The following ASAH1 variants were observed in gnomAD, a reference collection of about 807,000 sequenced individuals.
ASAH1 encodes the protein N-acylsphingosine amidohydrolase 1, also known as acid ceramidase.
In ASAH1, 70 loss-of-function variants were observed where a neutral mutation model predicts 59.5. That is an observed-to-expected ratio of 1.18 (90% CI 0.97 to 1.43). The LOEUF (loss-of-function observed/expected upper bound fraction) is 1.43, where lower values mean the gene tolerates loss of function less well. Among genes scored for constraint, ASAH1 ranks in the 40% most tolerant of loss-of-function variants. The pLI is 0.00. For synonymous variants in ASAH1, 213 were observed against 166.5 expected, an observed-to-expected ratio of 1.28 and a Z score of -2.15; for missense variants, 660 against 482.5, an observed-to-expected ratio of 1.37 and a Z score of -3.45.
At chr8:18,066,740 T>C (rs1044393244) in intron 5 of ASAH1, 1 of 157,726 alleles carries the variant, frequency 6.3e-6, no homozygotes, top group Non-Finnish European at 1.4e-5. Flanking sequence ...ATCCAGAAAA[T>C]GAGTACCCAG....
chr8:18,073,238 G>T (rs369772588), intron 2 of ASAH1: 1 of 1,566,596 alleles, frequency 6.4e-7, no homozygotes, highest in Non-Finnish European at 8.7e-7. Flanking sequence ...TTCCCCATAA[G>T]AATAAAAGAG....
At position 18,058,873 on chromosome 8, in the gene ASAH1, T is replaced by G; in HGVS notation, c.1060A>C (p.Met354Leu). 2 of 1,612,398 alleles carry G rather than the reference T, an allele frequency of 1.2e-6. No individual in the cohort carries two copies. The highest frequency in any genetic ancestry group is 4.5e-5 in the East Asian group (2 of 44,862). Residue 354 changes from methionine to leucine, a missense_variant, in exon 13 of 14, where the codon ATG (methionine) becomes CTG (leucine). Transcript: ENST00000637790. ...GGTTTTGTTGACAGGACATCATACATGGTTTCAAATGAGATATTCTAAAAC... is the reference window on the plus strand; with the variant it reads ...GGTTTTGTTGACAGGACATCATACAGGGTTTCAAATGAGATATTCTAAAAC... ...TSQENISFETMYDVLSTKPVL... is the reference protein window; with the variant it reads ...TSQENISFETLYDVLSTKPVL...
Position 18,062,135 on chromosome 8 carries a change from A to G in ASAH1, c.648+144T>C, listed in dbSNP as rs1020873536. ...ACTCTTCTCTACCACGAGATCTCAT[A>G]CCTATGAAGTGACAAGAAGTACAAG... On this transcript the variant is annotated intron_variant, in intron 8 of 13. Coordinates refer to ENST00000637790, the MANE Select transcript of ASAH1 (RefSeq NM_177924.5). 8 of 1,083,896 alleles carry G rather than the reference A, an allele frequency of 7.4e-6. No homozygotes were observed. In the African/African-American group the frequency reaches 1.3e-4, roughly 17 times the overall value. 67.1% of individuals were successfully genotyped at this position (1,083,896 alleles called of 1,614,324 possible).
intron 8 of ASAH1, 73 bp downstream of exon 8, chr8:18,062,204 TTA>T: frequency 6.2e-7 from 1 of 1,602,094 alleles, no homozygotes; most frequent in Non-Finnish European, 8.5e-7. Flanking sequence ...CCTCATATTC[TTA>T]GATTTCAACT....
chr8:18,058,912 T>A, intron 12 of ASAH1, 21 bp from the exon 13 acceptor site: 1 of 1,602,342 alleles, frequency 6.2e-7, no homozygotes, highest in Non-Finnish European at 8.6e-7. Flanking sequence ...AGAAAATAGT[T>A]TTGTTCAGTA....
At chr8:18,081,685 G>A (rs55831225) in intron 1 of ASAH1, among the ~76,000 whole-genome samples, 4,542 of 152,280 alleles carry the variant, frequency 0.03, 100 homozygotes, top group Admixed American at 0.046. Flanking sequence ...CCTTACAGAT[G>A]TTCTAAATCA....
At position 18,056,843 on chromosome 8, in the gene ASAH1, A is replaced by G. The variant is rs962231169; in HGVS notation, c.*691T>C. ...AGCAACTTCCTTAGGGTTACTGGGAAGTAGAGTAATTATGAAAAAGGGAAC... is the reference window on the plus strand; with the variant it reads ...AGCAACTTCCTTAGGGTTACTGGGAGGTAGAGTAATTATGAAAAAGGGAAC... On this transcript the variant is annotated 3_prime_UTR_variant, in exon 14 of 14. Transcript: ENST00000637790. 1.3e-5 allele frequency: 2 copies of G among 152,146 alleles called. No homozygotes were observed. The highest frequency in any genetic ancestry group is 2.1e-4 in the South Asian group (1 of 4,824). 9.4% of individuals were successfully genotyped at this position (152,146 alleles called of 1,614,324 possible).
chr8:18,083,804 G>C (rs7818007), intron 1 of ASAH1, 177 bp downstream of exon 1: 11 of 1,307,350 alleles, frequency 8.4e-6, no homozygotes, highest in Non-Finnish European at 1.1e-5. Flanking sequence ...ATCTACCGAG[G>C]ACGGGGTTCG....
Position 18,059,445 on chromosome 8 carries a change from T to C in ASAH1, c.937A>G (p.Arg313Gly), listed in dbSNP as rs1427042713. ...TAATTTGTTTGTACCACATACCATCTACCCTGCTTAGCATCGAGTCTAGAT... is the reference window on the plus strand; with the variant it reads ...TAATTTGTTTGTACCACATACCATCCACCCTGCTTAGCATCGAGTCTAGAT... ...DVYELDAKQG[R>G]WYVVQTNYDR... The change falls in exon 12 of 14, where the codon AGA becomes GGA. Residue 313 changes from arginine (R) to glycine (G), a missense_variant. Transcript: ENST00000637790. The C allele has an allele frequency of 3.7e-6, 6 of 1,614,212 alleles. No individual in the cohort carries two copies. Among genetic ancestry groups the C allele is most frequent in the Non-Finnish European group, 5.1e-6 (6 of 1,180,040 alleles).
At chr8:18,072,173 T>G (rs968791625) in intron 2 of ASAH1, among the ~76,000 whole-genome samples, 7 of 152,228 alleles carry the variant, frequency 4.6e-5, no homozygotes, top group African/African-American at 1.7e-4. Context: ...CTGAAATAGC[T>G]TTTAAGGGTG....
At chr8:18,076,052 T>C (rs866464403) in intron 1 of ASAH1, 9 of 214,560 alleles carry the variant, frequency 4.2e-5, no homozygotes, top group Non-Finnish European at 7.6e-5. Context: ...TAACTTACCA[T>C]CCCAGCCTCA....
At chr8:18,072,136 C>G (rs1157238088) in intron 2 of ASAH1, among the ~76,000 whole-genome samples, 1 of 152,160 alleles carries the variant, frequency 6.6e-6, no homozygotes, top group Non-Finnish European at 1.5e-5. Flanking sequence ...GCTATAGGAA[C>G]ATTATTTTCT....
intron 1 of ASAH1, among the ~76,000 whole-genome samples, chr8:18,078,610 T>C (rs1296160320): frequency 6.6e-6 from 1 of 152,148 alleles, no homozygotes; most frequent in Non-Finnish European, 1.5e-5. Context: ...AGACACAGCT[T>C]CAAAACCCAC....
At chr8:18,064,285 A>G (rs1016980915) in intron 6 of ASAH1, 172 bp downstream of exon 6, 2 of 642,238 alleles carry the variant, frequency 3.1e-6, no homozygotes, top group Non-Finnish European at 5.5e-6. Flanking sequence ...TAGTCTGAAA[A>G]TAAGGAAAAT....
Position 18,084,049 on chromosome 8 carries a change from G to C in ASAH1, c.10C>G (p.Arg4Gly), listed in dbSNP as rs528669708. Residue 4 changes from arginine to glycine, a missense_variant, in exon 1 of 14, where the codon CGG becomes GGG. Transcript: ENST00000637790. Reference protein sequence around the residue: MPGRSCVALVLLAA... With the variant: MPGGSCVALVLLAA... The stretch of plus-strand genomic sequence containing the variant: ...AGGAGGACTAAGGCGACGCAACTCC[G>C]GCCCGGCATCGCTCTAGCAGCCAAC... 77 of 1,598,756 alleles carry C rather than the reference G, an allele frequency of 4.8e-5. No individual in the cohort carries two copies. Among genetic ancestry groups the C allele is most frequent in the Non-Finnish European group, 5.9e-5 (70 of 1,179,688 alleles).
chr8:18,062,364 TTCACTG>T lies in ASAH1; in HGVS notation c.557_562del (p.Thr186_Val187del). On this transcript the variant is annotated inframe_deletion, in exon 8 of 14. Coordinates refer to ENST00000637790, the MANE Select transcript of ASAH1 (RefSeq NM_177924.5). ...TTTGTTGTTTCTTTGGAAATCCAAA[TTCACTG>T]TTAAAGGTTTTAGTTGCTCAGTTAT... 1 of 1,614,184 alleles carries T rather than the reference TTCACTG, an allele frequency of 6.2e-7. No homozygotes were observed. Among genetic ancestry groups the T allele is most frequent in the Non-Finnish European group, 8.5e-7 (1 of 1,180,020 alleles).
chr8:18,074,722 A>G (rs189245592), intron 2 of ASAH1, among the ~76,000 whole-genome samples: 59 of 152,338 alleles, frequency 3.9e-4, no homozygotes, highest in Non-Finnish European at 6.2e-4. Flanking sequence ...AATCTAGACT[A>G]AAAATATTAA....
intron 1 of ASAH1, chr8:18,083,164 G>A (rs952398640): frequency 2.0e-5 from 3 of 152,196 alleles, no homozygotes; most frequent in Non-Finnish European, 4.4e-5. Context: ...CAGGCCAGAT[G>A]CGCCAGGTTC....
chr8:18,059,224 G>C (rs1001329917), intron 12 of ASAH1, 117 bp downstream of exon 12: 5 of 1,506,662 alleles, frequency 3.3e-6, no homozygotes, highest in Admixed American at 1.7e-5. Flanking sequence ...AGAGTGGCTA[G>C]AGATACTATG....
Sources: gnomAD v4.1 joint callset for allele counts (sites outside exome capture counted in the v4.1 genomes callset) on GRCh38, gnomAD v4.1.1 for gene constraint, MANE v1.5 for transcripts, NCBI Gene and HGNC (gene_info 2026-07-23, HGNC 2026-07-21) for gene names.